The following OPRM1 variants were observed in gnomAD, a reference collection of about 807,000 sequenced individuals.
OPRM1 encodes opioid receptor mu 1.
OPRM1 carries 27 observed loss-of-function variants against 31.8 expected under a neutral mutation model. That is an observed-to-expected ratio of 0.85 (90% CI 0.63 to 1.17). OPRM1 has a LOEUF of 1.17. Ranked by LOEUF, OPRM1 falls within the 50% of genes most tolerant of loss-of-function variation. OPRM1 has a pLI of 0.00. For missense variants in OPRM1, 536 were observed against 511.1 expected, an observed-to-expected ratio of 1.05 and a Z score of -0.47; for synonymous variants, 196 against 189.9, an observed-to-expected ratio of 1.03 and a Z score of -0.26.
At chr6:154,110,536 G>T (rs1156830081) in intron 3 of OPRM1, 1 of 656,172 alleles carries the variant, frequency 1.5e-6, no homozygotes, top group Non-Finnish European at 2.7e-6. Flanking sequence ...GTTGCTTATG[G>T]TTGCTTAAGG....
chr6:154,158,572 A>C (rs555084722), intron 3 of OPRM1: 96 of 152,308 alleles, frequency 6.3e-4, no homozygotes, highest in African/African-American at 2.3e-3. Context: ...TTAAGAGCTC[A>C]TGGGGGTTGG....
At position 154,127,388 on chromosome 6, in the gene OPRM1, T is replaced by TA. The variant is rs1215264921; in HGVS notation, c.*8667_*8668insA. On this transcript the variant is annotated 3_prime_UTR_variant, in exon 4 of 4. Coordinates refer to ENST00000330432, the MANE Select transcript of OPRM1 (RefSeq NM_000914.5). The stretch of plus-strand genomic sequence containing the variant: ...AAACACCTATGCCCTACTTGCCTAC[T>TA]CTTCAAGGGTTTAGGGGCTTAGGGG... 6.6e-6 allele frequency among the ~76,000 whole-genome samples: 1 copy of TA among 152,216 alleles called. No homozygotes were observed. Among genetic ancestry groups the TA allele is most frequent in the Non-Finnish European group, 1.5e-5 (1 of 68,036 alleles).
At chr6:154,075,190 G>A (rs2128459501) in intron 1 of OPRM1, among the ~76,000 whole-genome samples, 1 of 152,178 alleles carries the variant, frequency 6.6e-6, no homozygotes, top group Middle Eastern at 3.4e-3. Context: ...TTTTCAAAGT[G>A]AACAAAAACT....
At chr6:154,227,159 G>A (rs1018243940) in intron 3 of OPRM1, among the ~76,000 whole-genome samples, 6 of 151,900 alleles carry the variant, frequency 3.9e-5, no homozygotes, top group Non-Finnish European at 5.9e-5. Flanking sequence ...AGCCAAGACC[G>A]CACCACTGCA....
intron 1 of OPRM1, among the ~76,000 whole-genome samples, chr6:154,066,069 T>C (rs73014269): frequency 0.14 from 20,997 of 152,160 alleles, 1,548 homozygotes; most frequent in Non-Finnish European, 0.17. Flanking sequence ...ATATATTACA[T>C]TGATTGGTAT....
chr6:154,099,074 G>A (rs1793897038), intron 3 of OPRM1, among the ~76,000 whole-genome samples: 1 of 152,046 alleles, frequency 6.6e-6, no homozygotes. Flanking sequence ...GAGCCCAGGA[G>A]TTCAAGACCA....
chr6:154,110,767 G>C (rs1057374095), intron 3 of OPRM1, among the ~76,000 whole-genome samples: 12 of 151,798 alleles, frequency 7.9e-5, no homozygotes, highest in African/African-American at 2.7e-4. Flanking sequence ...GGCACCTGTA[G>C]TCCCAGCTAC....
intron 3 of OPRM1, among the ~76,000 whole-genome samples, chr6:154,242,972 TAGA>T (rs1780719328): frequency 6.6e-6 from 1 of 152,176 alleles, no homozygotes; most frequent in East Asian, 1.9e-4. Context: ...TACGTGCCTC[TAGA>T]AGAAGGCTAT....
chr6:154,097,816 A>T (rs945516720), intron 3 of OPRM1, among the ~76,000 whole-genome samples: 2 of 152,180 alleles, frequency 1.3e-5, no homozygotes, highest in African/African-American at 4.8e-5. Context: ...TATATTGACC[A>T]TTTTGTGTCT....
At chr6:154,099,441 GA>G (rs1485014915) in intron 3 of OPRM1, among the ~76,000 whole-genome samples, 5 of 114,412 alleles carry the variant, frequency 4.4e-5, no homozygotes, top group African/African-American at 1.7e-4. Flanking sequence ...AGGGAGGGAG[GA>G]AGAAAGAAAG....
chr6:154,103,864 C>T (rs372526819), intron 3 of OPRM1, among the ~76,000 whole-genome samples: 25 of 152,080 alleles, frequency 1.6e-4, no homozygotes, highest in African/African-American at 4.6e-4. Context: ...TTTACTGCAA[C>T]GTGTTTTATC....
chr6:154,237,256 C>T (rs1780207372), intron 3 of OPRM1, among the ~76,000 whole-genome samples: 1 of 152,168 alleles, frequency 6.6e-6, no homozygotes, highest in Admixed American at 6.5e-5. Context: ...GTGCCCACAC[C>T]CTCACCATTA....
chr6:154,159,752 GA>G, intron 3 of OPRM1: 3 of 1,208,406 alleles, frequency 2.5e-6, no homozygotes, highest in Non-Finnish European at 3.6e-6. Context: ...TCCTTTTAAG[GA>G]AAAATGTAAG....
chr6:154,034,232 G>C (rs192898436), upstream of OPRM1, among the ~76,000 whole-genome samples: 92 of 152,242 alleles, frequency 6.0e-4, no homozygotes, highest in African/African-American at 1.9e-3. Context: ...CTTTTTCCGT[G>C]GATCACTATT....
chr6:154,195,056 T>TTA (rs752623278), intron 3 of OPRM1, among the ~76,000 whole-genome samples: 12 of 152,118 alleles, frequency 7.9e-5, no homozygotes, highest in Non-Finnish European at 1.5e-4. Context: ...ACCTCAGCTG[T>TTA]TATGCAGGCT....
At position 154,039,530 on chromosome 6, in the gene OPRM1, C is replaced by T. The variant is rs756536601; in HGVS notation, c.-15C>T. On this transcript the variant is annotated 5_prime_UTR_variant, in exon 1 of 4. Transcript: ENST00000330432. ...GGCTACCTCGCACAGCGGTGCCCGC[C>T]CGGCCGTCAGTACCATGGACAGCAG... is the stretch of plus-strand genomic sequence containing the variant. 10 of 1,602,862 alleles carry T rather than the reference C, an allele frequency of 6.2e-6. No homozygotes were observed. The highest frequency in any genetic ancestry group is 1.7e-5 in the Admixed American group (1 of 58,162).
chr6:154,152,372 G>GAAAGAAAGA (rs1798555658), intron 3 of OPRM1, among the ~76,000 whole-genome samples: 1 of 149,304 alleles, frequency 6.7e-6, no homozygotes, highest in African/African-American at 2.5e-5. Flanking sequence ...AAGAAAGAAA[G>GAAAGAAAGA]AAAGAAAGAA....
intron 1 of OPRM1, among the ~76,000 whole-genome samples, chr6:154,022,918 T>C (rs1323105798): frequency 1.3e-5 from 2 of 152,328 alleles, no homozygotes; most frequent in African/African-American, 4.8e-5. Flanking sequence ...ATGTGTCTGT[T>C]TTTATGCCAG....
At chr6:154,179,218 A>G (rs1378402166) in intron 3 of OPRM1, among the ~76,000 whole-genome samples, 1 of 152,212 alleles carries the variant, frequency 6.6e-6, no homozygotes, top group East Asian at 1.9e-4. Context: ...CTGACCCCAA[A>G]GCAAATGTGA....
Sources: allele counts gnomAD v4.1 joint callset (sites outside exome capture counted in the v4.1 genomes callset), GRCh38; gene constraint gnomAD v4.1.1; transcripts MANE v1.5; gene names NCBI Gene and HGNC (gene_info 2026-07-23, HGNC 2026-07-21).